TLN2: variants seen among roughly 807,000 people sequenced by gnomAD.
TLN2 encodes the protein talin-2.
Under a neutral mutation model 294.7 loss-of-function variants are expected in TLN2, and 118 were observed. That is an observed-to-expected ratio of 0.40 (90% CI 0.34 to 0.47). The LOEUF is 0.47. Among genes scored for constraint, TLN2 ranks in the 20% least tolerant of loss-of-function variants. The probability of loss-of-function intolerance (pLI) is 0.84; values close to 1 mark genes in which losing one functional copy is unlikely to be tolerated. For synonymous variants in TLN2, 1,431 were observed against 1,304.5 expected, an observed-to-expected ratio of 1.10 and a Z score of -2.09; for missense variants, 3,083 against 3,282.2, an observed-to-expected ratio of 0.94 and a Z score of 1.48.
chr15:62,520,003 A>G (rs1296786148), intron 1 of TLN2, among the ~76,000 whole-genome samples: 1 of 152,242 alleles, frequency 6.6e-6, no homozygotes, highest in Non-Finnish European at 1.5e-5. Context: ...CTTACGTGGC[A>G]GCAGACAAGA....
chr15:62,707,640 G>A (rs547954707), intron 20 of TLN2, among the ~76,000 whole-genome samples: 1 of 152,308 alleles, frequency 6.6e-6, no homozygotes, highest in African/African-American at 2.4e-5. Flanking sequence ...CACAGGGTCC[G>A]AGTGGGGATT....
intron 1 of TLN2, among the ~76,000 whole-genome samples, chr15:62,439,232 CAT>C (rs1410190259): frequency 6.6e-6 from 1 of 152,204 alleles, no homozygotes; most frequent in Non-Finnish European, 1.5e-5. Context: ...GGAGTTGTCA[CAT>C]GTGATAAAAC....
chr15:62,537,560 A>G (rs1418475948), intron 1 of TLN2, among the ~76,000 whole-genome samples: 1 of 152,182 alleles, frequency 6.6e-6, no homozygotes. Context: ...AATCTATTTT[A>G]TGGATGAAGA....
At chr15:62,560,473 C>T (rs961503482) in intron 1 of TLN2, among the ~76,000 whole-genome samples, 4 of 152,198 alleles carry the variant, frequency 2.6e-5, no homozygotes, top group Non-Finnish European at 5.9e-5. Context: ...ATTACAGGCA[C>T]CCGCCACCAT....
intron 36 of TLN2, chr15:62,754,236 A>G (rs563610019): frequency 2.9e-5 from 6 of 207,584 alleles, no homozygotes; most frequent in Admixed American, 1.2e-4. Context: ...TAAGGGTTCA[A>G]TGTGCGCAGG....
intron 1 of TLN2, among the ~76,000 whole-genome samples, chr15:62,563,821 T>C (rs2043172911): frequency 6.6e-6 from 1 of 152,210 alleles, no homozygotes; most frequent in Admixed American, 6.5e-5. Context: ...TTCAGCTTCC[T>C]CTGCCCTGCC....
chr15:62,419,180 T>G (rs2034250285), intron 1 of TLN2, among the ~76,000 whole-genome samples: 1 of 152,212 alleles, frequency 6.6e-6, no homozygotes, highest in Non-Finnish European at 1.5e-5. Flanking sequence ...TTCCACTAAT[T>G]TTTATATTGG....
In TLN2 at chr15:62,833,594, TCAG is replaced by T; in HGVS notation, c.7098_7100del (p.Ala2367del). ...CACAAGCGCCCTGGTCAAATCGGCC[TCAG>T]CAGCCCAGAGGGAGCTGGTGGCCCA... is the stretch of plus-strand genomic sequence containing the variant. On this transcript the variant is annotated inframe_deletion, in exon 55 of 59. Coordinates refer to ENST00000636159, the MANE Select transcript of TLN2 (RefSeq NM_015059.3). The T allele has an allele frequency of 6.2e-7, 1 of 1,614,118 alleles. No homozygotes were observed. The highest frequency in any genetic ancestry group is 8.5e-7 in the Non-Finnish European group (1 of 1,180,018).
At chr15:62,519,379 T>C (rs1161929334) in intron 1 of TLN2, among the ~76,000 whole-genome samples, 1 of 152,224 alleles carries the variant, frequency 6.6e-6, no homozygotes, top group East Asian at 1.9e-4. Flanking sequence ...GATTTTTCTG[T>C]TAGTGTTCAC....
At chr15:62,686,103 A>G (rs2057264570) in intron 11 of TLN2, among the ~76,000 whole-genome samples, 1 of 152,208 alleles carries the variant, frequency 6.6e-6, no homozygotes, top group Non-Finnish European at 1.5e-5. Context: ...CTAGTTATAA[A>G]ATAAGTTTTA....
intron 3 of TLN2, chr15:62,644,591 T>C (rs1259650480): frequency 2.2e-6 from 1 of 456,204 alleles, no homozygotes; most frequent in East Asian, 6.9e-5. Context: ...GCTTCTCTCC[T>C]TCCTGTCTGC....
rs1314237447 is a variant in TLN2 at position 62,779,130 on chromosome 15, T to C, written c.5515-2010T>C. Among the ~76,000 whole-genome samples, 3 of 152,302 alleles carry C rather than the reference T, an allele frequency of 2.0e-5. No individual in the cohort carries two copies. The East Asian group carries it at 5.8e-4, about 29-fold the overall frequency. On this transcript the variant is annotated intron_variant, in intron 43 of 58. Coordinates refer to ENST00000636159, the MANE Select transcript of TLN2 (RefSeq NM_015059.3). ...TAACTTGGATGTGACTCCTGACACTTTGGGTGCTTTCACTGTGGAGCTTCT... is the reference window on the plus strand; with the variant it reads ...TAACTTGGATGTGACTCCTGACACTCTGGGTGCTTTCACTGTGGAGCTTCT...
chr15:62,460,396 C>T (rs958312091), intron 1 of TLN2, among the ~76,000 whole-genome samples: 2 of 152,088 alleles, frequency 1.3e-5, no homozygotes, highest in Non-Finnish European at 2.9e-5. Context: ...TCCCTAGTAG[C>T]TGGGATTACA....
intron 9 of TLN2, among the ~76,000 whole-genome samples, chr15:62,672,963 T>G (rs1303924596): frequency 6.6e-6 from 1 of 152,178 alleles, no homozygotes; most frequent in Non-Finnish European, 1.5e-5. Flanking sequence ...TATTTTTATC[T>G]ATTTTATGCT....
Position 62,549,364 on chromosome 15 carries a change from T to C in TLN2, c.-237-40323T>C, listed in dbSNP as rs576435656. Among the ~76,000 whole-genome samples, 4 of 152,296 alleles carry C rather than the reference T, an allele frequency of 2.6e-5. No individual in the cohort carries two copies. In the East Asian group the frequency reaches 7.7e-4, roughly 29 times the overall value. On this transcript the variant is annotated intron_variant, in intron 1 of 58. Coordinates refer to ENST00000636159, the MANE Select transcript of TLN2 (RefSeq NM_015059.3). ...AATTGAGGCTGGTTTCTAATACCTG[T>C]ACCCAAGCAGTCCTTCCACCTCAGC... is the stretch of plus-strand genomic sequence containing the variant.
intron 12 of TLN2, among the ~76,000 whole-genome samples, chr15:62,687,423 G>C (rs1284609835): frequency 6.6e-6 from 1 of 152,224 alleles, no homozygotes; most frequent in East Asian, 1.9e-4. Context: ...AAGATGCTTA[G>C]TATAAAATTT....
rs2037190011 is a variant in TLN2, at chr15:62,467,281, T to G, written c.-238+76596T>G. 2.6e-5 allele frequency among the ~76,000 whole-genome samples: 4 copies of G among 152,242 alleles called. No individual in the cohort carries two copies. The South Asian group carries it at 8.3e-4, about 32-fold the overall frequency. ...GTAGGAGAAGGAGAGAGACAAAATT[T>G]TTGCTTCCCAGATAGGGGTGAAGTG... is the stretch of plus-strand genomic sequence containing the variant. On this transcript the variant is annotated intron_variant, in intron 1 of 58. Coordinates refer to ENST00000636159, the MANE Select transcript of TLN2 (RefSeq NM_015059.3).
chr15:62,772,030 C>A (rs2063378624), intron 42 of TLN2, among the ~76,000 whole-genome samples: 1 of 152,126 alleles, frequency 6.6e-6, no homozygotes, highest in Admixed American at 6.5e-5. Context: ...TGGCCTCGTG[C>A]CTTCTTCCTG....
chr15:62,668,853 T>C (rs771288991), intron 9 of TLN2, among the ~76,000 whole-genome samples: 21 of 152,174 alleles, frequency 1.4e-4, no homozygotes, highest in Non-Finnish European at 2.6e-4. Context: ...TTGTAGAAAC[T>C]CTCTCTCAAC....
Sources: allele counts gnomAD v4.1 joint callset (sites outside exome capture counted in the v4.1 genomes callset), GRCh38; gene constraint gnomAD v4.1.1; transcripts MANE v1.5; gene names NCBI Gene and HGNC (gene_info 2026-07-23, HGNC 2026-07-21).